C1S: variants seen among roughly 807,000 people sequenced by gnomAD.
The protein encoded by C1S is complement C1s, also known as complement C1s subcomponent.
C1S carries 31 observed loss-of-function variants against 54.0 expected under a neutral mutation model. The ratio of observed to expected loss-of-function variants is 0.57; its 90% CI spans 0.43 to 0.78. The LOEUF is 0.78. Among genes scored for constraint, C1S ranks in the 30% least tolerant of loss-of-function variants. The pLI is 0.00. For missense variants in C1S, 727 were observed against 851.8 expected, an observed-to-expected ratio of 0.85 and a Z score of 1.82; for synonymous variants, 292 against 303.6, an observed-to-expected ratio of 0.96 and a Z score of 0.40.
chr12:7,068,377 G>T (rs1937732617), intron 10 of C1S, 79 bp from the exon 11 acceptor site: 1 of 985,124 alleles, frequency 1.0e-6, no homozygotes, highest in Non-Finnish European at 1.6e-6. Flanking sequence ...GAACGGGGCA[G>T]GGTGTTGGGG....
chr12:7,064,272 A>G lies in C1S; in HGVS notation c.397A>G (p.Asn133Asp). Reference protein sequence around the residue: ...FAAYYVATDINECTDFVDVPC... With the variant: ...FAAYYVATDIDECTDFVDVPC... ...CCTCTTTCTACTCTTTGTAGACATA[A>G]ATGAATGCACAGATTTTGTAGATGT... The change falls in exon 5 of 12, where the codon AAT (asparagine) becomes GAT (aspartate). Residue 133 changes from asparagine to aspartate, a missense_variant. Around this residue, in one of 3 missense-constraint regions of C1S, gnomAD observed 357 missense variants for 365.4 expected, o/e 0.98. Coordinates refer to ENST00000360817, the MANE Select transcript of C1S (RefSeq NM_001734.5). 1.2e-6 allele frequency: 2 copies of G among 1,614,042 alleles called. No individual in the cohort carries two copies. The highest frequency in any genetic ancestry group is 1.7e-6 in the Non-Finnish European group (2 of 1,179,944).
At position 7,067,067 on chromosome 12, in the gene C1S, C is replaced by G. The variant is rs781913781; in HGVS notation, c.1016C>G (p.Ser339Trp). The G allele has an allele frequency of 6.8e-6, 11 of 1,611,844 alleles. No individual in the cohort carries two copies. The highest frequency in any genetic ancestry group is 9.3e-6 in the Non-Finnish European group (11 of 1,177,912). The change falls in exon 9 of 12, where the codon TCG becomes TGG. Residue 339 changes from serine to tryptophan, a missense_variant. Coordinates refer to ENST00000360817, the MANE Select transcript of C1S (RefSeq NM_001734.5). ...CGTGTTGGTGCAACATCTTTCTATT[C>G]GACTTGTCAAAGCAATGGAAAGTGG... is the stretch of plus-strand genomic sequence containing the variant. ...EGRVGATSFY[S>W]TCQSNGKWSN...
rs1591578980 is a variant in C1S, at chr12:7,066,502, C to T, written c.872-16C>T. 6.7e-7 allele frequency: 1 copy of T among 1,490,480 alleles called. No homozygotes were observed. The highest frequency in any genetic ancestry group is 9.4e-7 in the Non-Finnish European group (1 of 1,067,154). 92.3% of individuals were successfully genotyped at this position (1,490,480 alleles called of 1,614,324 possible). ...TAGTAATTTTTTCCTCCTGTCCCAA[C>T]TTCTGTTCTTTCAAGCAATGCCCTG... On this transcript the variant is annotated splice_polypyrimidine_tract_variant and intron_variant, in intron 7 of 11. Transcript: ENST00000360817.
intron 5 of C1S, 152 bp downstream of exon 5, chr12:7,064,544 T>C (rs1217490199): frequency 2.9e-6 from 2 of 692,150 alleles, no homozygotes; most frequent in Non-Finnish European, 4.4e-6. Context: ...TTATGTATTA[T>C]TTTTAATAAT....
In C1S at chr12:7,067,690, G is replaced by A. The variant is rs201750214; in HGVS notation, c.1114G>A (p.Asp372Asn). 1 of 1,614,006 alleles carries A rather than the reference G, an allele frequency of 6.2e-7. No individual in the cohort carries two copies. Residue 372 changes from aspartate to asparagine, a missense_variant, in exon 10 of 12, where the codon GAC (aspartate) becomes AAC (asparagine). By Grantham distance (23) the Asp-to-Asn change is conservative. This residue lies in a region of C1S where 360 missense variants were observed against 453.6 expected (regional missense o/e 0.79). Transcript: ENST00000360817. ...PESIENGKVE[D>N]PESTLFGSVI... ...ATCCATTGAGAATGGTAAAGTTGAA[G>A]ACCCAGAGAGCACTTTGTTTGGTTC...
At chr12:7,064,039 C>A (rs782341044) in intron 4 of C1S, 3 of 589,464 alleles carry the variant, frequency 5.1e-6, no homozygotes, top group Non-Finnish European at 9.6e-6. Context: ...GTCACTTACA[C>A]ACACACACCC....
At chr12:7,064,489 C>A in intron 5 of C1S, 97 bp downstream of exon 5, 2 of 1,252,588 alleles carry the variant, frequency 1.6e-6, no homozygotes, top group Non-Finnish European at 2.3e-6. Flanking sequence ...TCGATTAGGC[C>A]AAGCCTTCAT....
chr12:7,065,378 C>G, intron 6 of C1S, 79 bp downstream of exon 6: 2 of 1,010,392 alleles, frequency 2.0e-6, no homozygotes, highest in Non-Finnish European at 3.1e-6. Context: ...TTTTTTCATA[C>G]AGCATCTTTC....
At chr12:7,067,566 G>A (rs1937702991) in intron 9 of C1S, 77 bp from the exon 10 acceptor site, 1 of 1,541,396 alleles carries the variant, frequency 6.5e-7, no homozygotes, top group East Asian at 2.2e-5. Flanking sequence ...GAAGCAGTGA[G>A]GATGAACCTG....
At position 7,070,597 on chromosome 12, in the gene C1S, T is replaced by C. The variant is rs1036803678; in HGVS notation, c.2013T>C (p.Tyr671=). 1.2e-6 allele frequency: 2 copies of C among 1,614,142 alleles called. No individual in the cohort carries two copies. Among genetic ancestry groups the C allele is most frequent in the Non-Finnish European group, 1.7e-6 (2 of 1,180,020 alleles). The stretch of plus-strand genomic sequence containing the variant: ...GGCTCTACACACGGGTAAAGAACTA[T>C]GTTGACTGGATAATGAAGACTATGC... ...TYGLYTRVKN[Y]VDWIMKTMQE... is the part of the protein sequence containing the mutation. Residue 671 remains tyrosine (Y), a synonymous_variant, in exon 12 of 12, where the codon TAT becomes TAC. Coordinates refer to ENST00000360817, the MANE Select transcript of C1S (RefSeq NM_001734.5). The surrounding 1 kb of genome is among the most constrained non-coding windows in gnomAD (Gnocchi z 4.9).
At position 7,063,316 on chromosome 12, in the gene C1S, C is replaced by A. The variant is rs1947124724; in HGVS notation, c.391+249C>A. 3 of 552,520 alleles carry A rather than the reference C, an allele frequency of 5.4e-6. No individual in the cohort carries two copies. The Admixed American group carries it at 8.0e-5, about 15-fold the overall frequency. The allele number at this position is 552,520 out of a possible 1,614,324, so 34.2% of individuals were successfully genotyped here. ...GCAATTTGTTGAGAGCCACTATAAA[C>A]TGGGTATGTATTGGGGATTGGGGAT... On this transcript the variant is annotated intron_variant, in intron 4 of 11. Transcript: ENST00000360817.
At chr12:7,067,194 T>C in intron 9 of C1S, 77 bp downstream of exon 9, 1 of 1,052,746 alleles carries the variant, frequency 9.5e-7, no homozygotes, top group Non-Finnish European at 1.5e-6. Flanking sequence ...AAAATTCAAA[T>C]GCATGGTTTC....
At position 7,070,579 on chromosome 12, in the gene C1S, C is replaced by A; in HGVS notation, c.1995C>A (p.Tyr665Ter). 1 of 1,614,138 alleles carries A rather than the reference C, an allele frequency of 6.2e-7. No individual in the cohort carries two copies. Among genetic ancestry groups the A allele is most frequent in the Non-Finnish European group, 8.5e-7 (1 of 1,180,012 alleles). Residue 665 changes from tyrosine (Y) to a stop codon, truncating the protein, a stop_gained, in exon 12 of 12, where the codon TAC becomes TAA. Coordinates refer to ENST00000360817, the MANE Select transcript of C1S (RefSeq NM_001734.5). LOFTEE classifies it low-confidence loss of function (END_TRUNC). This position sits in a 1 kb window ranked among gnomAD's most constrained non-coding sequence, Gnocchi z 4.9. ...CCCAGTGTGGGACCTATGGGCTCTA[C>A]ACACGGGTAAAGAACTATGTTGACT... ...WGPQCGTYGLYTRVKNYVDWI... is the reference protein window; with the variant it reads ...WGPQCGTYGL
intron 4 of C1S, 132 bp downstream of exon 4, chr12:7,063,199 G>A (rs782784791): frequency 5.3e-5 from 44 of 824,704 alleles, no homozygotes; most frequent in Admixed American, 4.4e-4. Context: ...GGCCTGGGTC[G>A]CTCCATAAAT....
chr12:7,064,477 C>T (rs782239250), intron 5 of C1S, 85 bp downstream of exon 5: 195 of 1,451,014 alleles, frequency 1.3e-4, no homozygotes, highest in Non-Finnish European at 1.8e-4. Context: ...ACCCTTCCAA[C>T]TTCGATTAGG....
chr12:7,067,706 TG>T lies in C1S; in HGVS notation c.1131del (p.Leu377PhefsTer34). 1.9e-6 allele frequency: 3 copies of T among 1,614,016 alleles called. No homozygotes were observed. The highest frequency in any genetic ancestry group is 2.5e-6 in the Non-Finnish European group (3 of 1,179,884). On this transcript the variant is annotated frameshift_variant, in exon 10 of 12. Coordinates refer to ENST00000360817, the MANE Select transcript of C1S (RefSeq NM_001734.5). LOFTEE classifies it high-confidence loss of function. ...NGKVEDPEST[L>X]FGSVIRYTCE... ...AAAGTTGAAGACCCAGAGAGCACTTTGTTTGGTTCTGTCATCCGCTACACTT... is the reference window on the plus strand; with the variant it reads ...AAAGTTGAAGACCCAGAGAGCACTTTTTTGGTTCTGTCATCCGCTACACTT...
intron 6 of C1S, 42 bp from the exon 7 acceptor site, chr12:7,065,775 C>T (rs1555162086): frequency 2.5e-6 from 4 of 1,584,388 alleles, no homozygotes; most frequent in Admixed American, 3.3e-5. Flanking sequence ...TTACCTCTTC[C>T]CTTTAGTTCT....
intron 9 of C1S, 193 bp downstream of exon 9, chr12:7,067,310 T>A: frequency 1.5e-6 from 1 of 649,642 alleles, no homozygotes; most frequent in Non-Finnish European, 2.7e-6. Context: ...TAGATCGGCA[T>A]GTTTCTTTCC....
chr12:7,068,366 G>A, intron 10 of C1S, 90 bp from the exon 11 acceptor site: 1 of 911,428 alleles, frequency 1.1e-6, no homozygotes, highest in Non-Finnish European at 1.8e-6. Flanking sequence ...AGGTTCTGAA[G>A]GAACGGGGCA....
Sources: gnomAD v4.1 joint callset for allele counts on GRCh38, gnomAD v4.1.1 for gene constraint, gnomAD v4.1.1 regional missense constraint, Gnocchi (gnomAD v3.1) non-coding constraint, MANE v1.5 for transcripts, NCBI Gene and HGNC (gene_info 2026-07-23, HGNC 2026-07-21) for gene names.